SLC30A10: variants seen among roughly 807,000 people sequenced by gnomAD.
SLC30A10 encodes the protein solute carrier family 30 member 10.
SLC30A10 carries 8 observed loss-of-function variants against 21.7 expected under a neutral mutation model. The ratio of observed to expected loss-of-function variants is 0.37; its 90% CI spans 0.22 to 0.67. The LOEUF is 0.67. Ranked by LOEUF, SLC30A10 falls within the 30% of genes least tolerant of loss-of-function variation. SLC30A10 has a pLI of 0.58. For synonymous variants in SLC30A10, 272 were observed against 279.4 expected, an observed-to-expected ratio of 0.97 and a Z score of 0.26; for missense variants, 521 against 642.5, an observed-to-expected ratio of 0.81 and a Z score of 2.04.
At chr1:219,947,241 T>C (rs1303214495) in intron 1 of SLC30A10, among the ~76,000 whole-genome samples, 7 of 152,148 alleles carry the variant, frequency 4.6e-5, no homozygotes. Context: ...TATCAAAAAC[T>C]ACATCCTCAG....
chr1:219,919,352 C>T (rs925643012), intron 2 of SLC30A10, among the ~76,000 whole-genome samples: 4 of 152,146 alleles, frequency 2.6e-5, no homozygotes, highest in Non-Finnish European at 5.9e-5. Flanking sequence ...CAAAAAGCAA[C>T]ATCTGAATCT....
chr1:219,938,266 C>T (rs1427251860), intron 1 of SLC30A10, among the ~76,000 whole-genome samples: 1 of 152,098 alleles, frequency 6.6e-6, no homozygotes, highest in African/African-American at 2.4e-5. Flanking sequence ...ATGGAGCTGC[C>T]CAGTGCAGTT....
intron 1 of SLC30A10, among the ~76,000 whole-genome samples, chr1:219,939,680 G>A (rs571378649): frequency 2.0e-5 from 3 of 152,098 alleles, no homozygotes; most frequent in African/African-American, 4.8e-5. Context: ...CACCCACCTC[G>A]GCCAGCCAAA....
intron 1 of SLC30A10, among the ~76,000 whole-genome samples, chr1:219,952,710 G>GC (rs1233426028): frequency 6.6e-6 from 1 of 152,016 alleles, no homozygotes; most frequent in Non-Finnish European, 1.5e-5. Context: ...CTCTGACAAA[G>GC]ACTGACAATG....
intron 1 of SLC30A10, among the ~76,000 whole-genome samples, chr1:219,937,999 T>C (rs1237661166): frequency 6.6e-6 from 1 of 152,216 alleles, no homozygotes; most frequent in Admixed American, 6.5e-5. Flanking sequence ...GAAAATTTCT[T>C]CTGTCACCTG....
In SLC30A10 at chr1:219,948,956, A is replaced by G. The variant is rs868077431; in HGVS notation, n.80+9612T>C. ...ATCAAAAAGTGGGCGAAGGACATGA[A>G]CAGACACTTCTCAAAAGAAGACATT... is the stretch of plus-strand genomic sequence containing the variant. On this transcript the variant is annotated intron_variant and non_coding_transcript_variant, in intron 1 of 8. Coordinates refer to the SLC30A10 transcript ENST00000484239. Among the ~76,000 whole-genome samples the G allele has an allele frequency of 4.6e-5, 7 of 152,268 alleles. No homozygotes were observed. In the Middle Eastern group the frequency reaches 0.01, roughly 222 times the overall value.
chr1:219,915,540 T>C lies in SLC30A10; in HGVS notation c.1367A>G (p.Glu456Gly). 1 of 1,614,226 alleles carries C rather than the reference T, an allele frequency of 6.2e-7. No individual in the cohort carries two copies. Among genetic ancestry groups the C allele is most frequent in the Non-Finnish European group, 8.5e-7 (1 of 1,180,036 alleles). ...SRRDAREVAIEVSLDSCLSDH... is the reference protein window; with the variant it reads ...SRRDAREVAIGVSLDSCLSDH... Reference sequence around the variant, plus strand: ...ACTCAGACAGCTATCCAAAGACACTTCAATAGCCACTTCTCTTGCGTCTCT... The same window carrying C: ...ACTCAGACAGCTATCCAAAGACACTCCAATAGCCACTTCTCTTGCGTCTCT... Residue 456 changes from glutamate (E) to glycine (G), a missense_variant, in exon 4 of 4, where the codon GAA becomes GGA. Physicochemically the swap from Glu to Gly is moderately conservative, Grantham distance 98 (BLOSUM62 -2). Coordinates refer to ENST00000366926, the MANE Select transcript of SLC30A10 (RefSeq NM_018713.3).
intron 1 of SLC30A10, among the ~76,000 whole-genome samples, chr1:219,939,530 A>C (rs1347568938): frequency 2.0e-5 from 3 of 152,012 alleles, no homozygotes; most frequent in African/African-American, 7.2e-5. Context: ...CCCAGGTTCA[A>C]GTGATTCTCC....
chr1:219,955,564 T>C (rs1660337370), intron 1 of SLC30A10, among the ~76,000 whole-genome samples: 1 of 152,204 alleles, frequency 6.6e-6, no homozygotes, highest in African/African-American at 2.4e-5. Flanking sequence ...GTTTGTTCTA[T>C]TATATTTAAT....
chr1:219,918,267 T>C lies in SLC30A10; in HGVS notation c.946A>G (p.Met316Val), dbSNP rs372264976. The change falls in exon 3 of 4, where the codon ATG (methionine) becomes GTG (valine). Residue 316 changes from methionine (M) to valine (V), a missense_variant. Coordinates refer to ENST00000366926, the MANE Select transcript of SLC30A10 (RefSeq NM_018713.3). This position sits in a 1 kb window ranked among gnomAD's most constrained non-coding sequence, Gnocchi z 4.4. ...TCAGTCTACTTACTCAGCTCTTCCA[T>C]GTTGACTCCTTTTGGGACCATCTGT... ...LLQMVPKGVN[M>V]EELMSKLSAV... 3.3e-5 allele frequency: 54 copies of C among 1,614,098 alleles called. No individual in the cohort carries two copies. The African/African-American group carries it at 6.4e-4, about 19-fold the overall frequency.
chr1:219,928,858 C>T (rs1319240103), upstream of SLC30A10, among the ~76,000 whole-genome samples: 2 of 152,220 alleles, frequency 1.3e-5, no homozygotes, highest in Non-Finnish European at 2.9e-5. This position sits in a 1 kb window ranked among gnomAD's most constrained non-coding sequence, Gnocchi z 6.3. Flanking sequence ...CCCAGACACC[C>T]CGCTTCTCCT....
chr1:219,925,647 A>ATATATATATATATATATATATT (rs1659798619), intron 2 of SLC30A10, among the ~76,000 whole-genome samples: 1 of 68,052 alleles, frequency 1.5e-5, no homozygotes, highest in Non-Finnish European at 2.4e-5. Flanking sequence ...ATATATATAT[A>ATATATATATATATATATATATT]TATATTTTTT....
At chr1:219,928,727 C>T, upstream of SLC30A10, 1 of 371,338 alleles carries the variant, frequency 2.7e-6, no homozygotes, top group Non-Finnish European at 4.8e-6. This position sits in a 1 kb window ranked among gnomAD's most constrained non-coding sequence, Gnocchi z 6.3. Flanking sequence ...TGGCAGGTGG[C>T]CACGAGCCGA....
chr1:219,942,498 G>T (rs59280187), intron 1 of SLC30A10, among the ~76,000 whole-genome samples: 20,258 of 152,186 alleles, frequency 0.13, 2,147 homozygotes, highest in African/African-American at 0.29. Context: ...CTTGGTTGTG[G>T]ACATAGGGAA....
intron 2 of SLC30A10, among the ~76,000 whole-genome samples, chr1:219,921,444 A>G (rs967186319): frequency 6.6e-6 from 1 of 152,218 alleles, no homozygotes; most frequent in South Asian, 2.1e-4. Flanking sequence ...TGCCTCATGT[A>G]AGTTCTAAAA....
intron 1 of SLC30A10, among the ~76,000 whole-genome samples, chr1:219,945,087 A>G (rs573380122): frequency 2.0e-5 from 3 of 152,380 alleles, no homozygotes; most frequent in Non-Finnish European, 4.4e-5. Context: ...TCACATATGT[A>G]TGATTCCATT....
chr1:219,927,114 A>G lies in SLC30A10; in HGVS notation c.641-9T>C. On this transcript the variant is annotated splice_polypyrimidine_tract_variant and intron_variant, in intron 1 of 3. Coordinates refer to ENST00000366926, the MANE Select transcript of SLC30A10 (RefSeq NM_018713.3). The stretch of plus-strand genomic sequence containing the variant: ...GGTGTTGAAGGAATCACCTGCATTC[A>G]AAGAAGAAACCTTGTGTTGTGTATA... 1.2e-6 allele frequency: 2 copies of G among 1,613,902 alleles called. No homozygotes were observed. The highest frequency in any genetic ancestry group is 8.5e-7 in the Non-Finnish European group (1 of 1,179,894).
Position 219,925,587 on chromosome 1 carries a change from C to G in SLC30A10, c.718+1441G>C, listed in dbSNP as rs138775009. On this transcript the variant is annotated intron_variant, in intron 2 of 3. Transcript: ENST00000366926. ...CAGAACAGGCTTTGAAAAGTTAAAGCCTCTGATGGTGAACTCCACCTTAAA... is the reference window on the plus strand; with the variant it reads ...CAGAACAGGCTTTGAAAAGTTAAAGGCTCTGATGGTGAACTCCACCTTAAA... Among the ~76,000 whole-genome samples, 547 of 144,184 alleles carry G rather than the reference C, an allele frequency of 3.8e-3. 1 individual carries two copies. Among genetic ancestry groups the G allele is most frequent in the Non-Finnish European group, 5.7e-3 (378 of 66,802 alleles). 94.6% of individuals were successfully genotyped at this position (144,184 alleles called of 152,430 possible).
chr1:219,951,001 A>T (rs1660260892), intron 1 of SLC30A10, among the ~76,000 whole-genome samples: 1 of 152,088 alleles, frequency 6.6e-6, no homozygotes, highest in South Asian at 2.1e-4. Flanking sequence ...GTCAAAAGAA[A>T]AACAGATTCT....
Sources: allele counts gnomAD v4.1 joint callset (sites outside exome capture counted in the v4.1 genomes callset), GRCh38; gene constraint gnomAD v4.1.1; non-coding constraint Gnocchi (gnomAD v3.1); transcripts MANE v1.5; gene names NCBI Gene and HGNC (gene_info 2026-07-23, HGNC 2026-07-21).